Variants in ZNF71 observed in about 807,000 individuals in gnomAD.
The protein encoded by ZNF71 is endothelial zinc finger protein induced by tumor necrosis factor alpha.
Under a neutral mutation model 6.7 loss-of-function variants are expected in ZNF71, and 3 were observed. The observed-to-expected ratio is 0.45, with a 90% CI of 0.20 to 1.16. The LOEUF is 1.16. ZNF71 is among the 50% of genes most tolerant of loss of function. The pLI is 0.25. For missense variants in ZNF71, 688 were observed against 728.6 expected, an observed-to-expected ratio of 0.94 and a Z score of 0.64; for synonymous variants, 343 against 311.1, an observed-to-expected ratio of 1.10 and a Z score of -1.08.
In ZNF71 at chr19:56,623,220, G is replaced by A. The variant is rs1047065; in HGVS notation, c.*463G>A. 0.011 allele frequency: 1,951 copies of A among 177,754 alleles called. 42 individuals are homozygous for A. Among genetic ancestry groups the A allele is most frequent in the African/African-American group, 0.044 (1,816 of 41,702 alleles). 11.0% of individuals were successfully genotyped at this position (177,754 alleles called of 1,614,324 possible). A position where few individuals can be genotyped will look rare whatever the true frequency, so the allele number is the denominator to read the frequency against. ...TGCATTTTCTCCGTGGGTTGGGAGC[G>A]TGAGGGCCTTCCTATCCCTCCACCC... On this transcript the variant is annotated 3_prime_UTR_variant, in exon 4 of 4. Transcript: ENST00000599599.
rs759686490 is a variant in ZNF71, at chr19:56,622,587, G to A, written c.1480G>A (p.Gly494Ser). 12 of 1,613,414 alleles carry A rather than the reference G, an allele frequency of 7.4e-6. No individual in the cohort carries two copies. The highest frequency in any genetic ancestry group is 1.7e-5 in the Admixed American group (1 of 59,970). Residue 494 changes from glycine to serine, a missense_variant, in exon 4 of 4, where the codon GGC becomes AGC. By Grantham distance (56) the Gly-to-Ser change is moderately conservative. Transcript: ENST00000599599. ...YLIEHQRIHTGEKPYRCGQCG... is the reference protein window; with the variant it reads ...YLIEHQRIHTSEKPYRCGQCG... ...CATCGAGCACCAGCGGATCCACACC[G>A]GCGAGAAGCCGTACAGGTGCGGCCA...
rs1200585149 is a variant in ZNF71, at chr19:56,613,603, T to C, written c.34-209T>C. ...ACCTTCTGTTCCAGAATGTTTCATA[T>C]GGGATTTATTTCTCTATCAGAGTGC... On this transcript the variant is annotated intron_variant, in intron 2 of 3. Coordinates refer to ENST00000599599, the MANE Select transcript of ZNF71 (RefSeq NM_001370215.1). The surrounding 1 kb of genome is among the most constrained non-coding windows in gnomAD (Gnocchi z 4.6). Among the ~76,000 whole-genome samples the C allele has an allele frequency of 6.6e-6, 1 of 152,230 alleles. No individual in the cohort carries two copies. The highest frequency in any genetic ancestry group is 1.5e-5 in the Non-Finnish European group (1 of 68,048).
At chr19:56,595,814 A>G (rs2044615878) in intron 1 of ZNF71, among the ~76,000 whole-genome samples, 2 of 144,228 alleles carry the variant, frequency 1.4e-5, no homozygotes, top group African/African-American at 2.6e-5. Flanking sequence ...TCCTGAGGGT[A>G]TGGCTGTGTC....
chr19:56,595,895 CAGAG>C (rs750462872), intron 1 of ZNF71, among the ~76,000 whole-genome samples: 20 of 93,932 alleles, frequency 2.1e-4, no homozygotes, highest in East Asian at 1.3e-3. Flanking sequence ...GTGTATGAGA[CAGAG>C]AGAGAAACTG....
At chr19:56,611,549 C>A (rs1378491819) in intron 2 of ZNF71, among the ~76,000 whole-genome samples, 1 of 152,146 alleles carries the variant, frequency 6.6e-6, no homozygotes, top group African/African-American at 2.4e-5. Flanking sequence ...AGAGTCAAAG[C>A]CCGCAGATCT....
In ZNF71 at chr19:56,602,771, C is replaced by G. The variant is rs554127445; in HGVS notation, c.33+1180C>G. Among the ~76,000 whole-genome samples the G allele has an allele frequency of 2.6e-5, 4 of 152,248 alleles. No individual in the cohort carries two copies. The East Asian group carries it at 7.7e-4, about 29-fold the overall frequency. ...GTAAATATTTGTGGCAAATATTCTT[C>G]CCAGATTTGCTTTTTGTTTCTTTAT... On this transcript the variant is annotated intron_variant, in intron 2 of 3. Transcript: ENST00000599599.
rs117786009 is a variant in ZNF71, at chr19:56,605,358, A to T, written c.33+3767A>T. Among the ~76,000 whole-genome samples, 821 of 152,168 alleles carry T rather than the reference A, an allele frequency of 5.4e-3. 2 individuals are homozygous for T. The highest frequency in any genetic ancestry group is 9.0e-3 in the Non-Finnish European group (612 of 67,944). ...AGCCACAAGGAAAAGTGATGTGGAG[A>T]AAAAGAGATGCCCACCAAGGCCTCA... On this transcript the variant is annotated intron_variant, in intron 2 of 3. Coordinates refer to ENST00000599599, the MANE Select transcript of ZNF71 (RefSeq NM_001370215.1).
intron 3 of ZNF71, among the ~76,000 whole-genome samples, chr19:56,616,547 ACTGTTCCCAGCCCT>A (rs2044792788): frequency 6.6e-6 from 1 of 152,236 alleles, no homozygotes; most frequent in African/African-American, 2.4e-5. Flanking sequence ...AGGAAAAGGC[ACTGTTCCCAGCCCT>A]GTGTCAGCTC....
At position 56,622,031 on chromosome 19, in the gene ZNF71, C is replaced by G; in HGVS notation, c.924C>G (p.Gly308=). The G allele has an allele frequency of 6.2e-7, 1 of 1,613,370 alleles. No individual in the cohort carries two copies. Among genetic ancestry groups the G allele is most frequent in the East Asian group, 2.2e-5 (1 of 44,838 alleles). ...AGCCCTACGCGTGCGGGGACTGCGG[C>G]AAGGCCTTCAGCCAGAACATGCACC... The part of the protein sequence containing the change: ...GEKPYACGDC[G]KAFSQNMHLI... Residue 308 remains glycine (G), a synonymous_variant, in exon 4 of 4, where the codon GGC becomes GGG. Transcript: ENST00000599599.
chr19:56,608,309 G>A (rs1028369667), intron 2 of ZNF71, among the ~76,000 whole-genome samples: 2 of 151,906 alleles, frequency 1.3e-5, no homozygotes, highest in Admixed American at 6.6e-5. Context: ...CCTGGCAGCT[G>A]CCATTCCACA....
intron 3 of ZNF71, among the ~76,000 whole-genome samples, chr19:56,620,704 A>T (rs118064943): frequency 0.019 from 2,919 of 151,484 alleles, 144 homozygotes; most frequent in Admixed American, 0.1. Context: ...GCTAATTTTT[A>T]AAAAAAAATT....
intron 2 of ZNF71, among the ~76,000 whole-genome samples, chr19:56,602,418 A>AGCGGGTCTCTGATGATTTAT (rs1430414103): frequency 3.9e-5 from 6 of 152,162 alleles, no homozygotes; most frequent in African/African-American, 1.4e-4. Flanking sequence ...AGCATGTCTG[A>AGCGGGTCTCTGATGATTTAT]GCGGGTCTCT....
chr19:56,609,429 T>C (rs1014729521), intron 2 of ZNF71, among the ~76,000 whole-genome samples: 1 of 152,122 alleles, frequency 6.6e-6, no homozygotes, highest in Admixed American at 6.5e-5. Flanking sequence ...CCCATACCCA[T>C]TGGCAGTCAC....
At position 56,601,618 on chromosome 19, in the gene ZNF71, C is replaced by T. The variant is rs114322818; in HGVS notation, c.33+27C>T. 971 of 985,768 alleles carry T rather than the reference C, an allele frequency of 9.9e-4. 10 individuals carry two copies. The African/African-American group carries it at 0.015, about 16-fold the overall frequency. 61.1% of individuals were successfully genotyped at this position (985,768 alleles called of 1,614,324 possible). A position where few individuals can be genotyped will look rare whatever the true frequency, so the allele number is the denominator to read the frequency against. ...TGAGTCATGTTGCCCTGTCACTCTCCTTTCCAAAGGCTGGATCCTGCCTTG... is the reference window on the plus strand; with the variant it reads ...TGAGTCATGTTGCCCTGTCACTCTCTTTTCCAAAGGCTGGATCCTGCCTTG... On this transcript the variant is annotated intron_variant, in intron 2 of 3. Transcript: ENST00000599599.
At chr19:56,617,107 C>CTTTCGTTTT (rs2044799409) in intron 3 of ZNF71, among the ~76,000 whole-genome samples, 1 of 117,096 alleles carries the variant, frequency 8.5e-6, no homozygotes, top group African/African-American at 3.9e-5. Flanking sequence ...CTTCCATTTT[C>CTTTCGTTTT]TTTTGTTTTT....
At position 56,623,206 on chromosome 19, in the gene ZNF71, C is replaced by G. The variant is rs1047063; in HGVS notation, c.*449C>G. On this transcript the variant is annotated 3_prime_UTR_variant, in exon 4 of 4. Transcript: ENST00000599599. ...AGCTTGTCACCATCTGCATTTTCTC[C>G]GTGGGTTGGGAGCGTGAGGGCCTTC... 0.14 allele frequency: 25,968 copies of G among 179,996 alleles called. 2,367 individuals carry two copies. The highest frequency in any genetic ancestry group is 0.26 in the African/African-American group (10,976 of 41,682). 11.1% of individuals were successfully genotyped at this position (179,996 alleles called of 1,614,324 possible). A position where few individuals can be genotyped will look rare whatever the true frequency, so the allele number is the denominator to read the frequency against.
chr19:56,618,355 C>T lies in ZNF71; in HGVS notation c.161-2913C>T, dbSNP rs1483575153. On this transcript the variant is annotated intron_variant, in intron 3 of 3. Coordinates refer to ENST00000599599, the MANE Select transcript of ZNF71 (RefSeq NM_001370215.1). This position sits in a 1 kb window ranked among gnomAD's most constrained non-coding sequence, Gnocchi z 4.6. ...AACTCAAGTATGATTGTGAGGGTCT[C>T]CAGAGATCCGTGCAAATTGTTCAGC... Among the ~76,000 whole-genome samples, 1 of 152,140 alleles carries T rather than the reference C, an allele frequency of 6.6e-6. No individual in the cohort carries two copies. Among genetic ancestry groups the T allele is most frequent in the Non-Finnish European group, 1.5e-5 (1 of 68,016 alleles).
intron 2 of ZNF71, among the ~76,000 whole-genome samples, chr19:56,609,607 G>A (rs763052252): frequency 1.2e-4 from 18 of 151,234 alleles, no homozygotes; most frequent in East Asian, 3.9e-4. Context: ...TGCCTGTTCC[G>A]GACATTGTCC....
At chr19:56,607,977 G>A (rs915333854) in intron 2 of ZNF71, among the ~76,000 whole-genome samples, 2 of 152,182 alleles carry the variant, frequency 1.3e-5, no homozygotes, top group African/African-American at 4.8e-5. Flanking sequence ...GGTCAGATGG[G>A]CCTCTCCAAA....
Sources: allele counts gnomAD v4.1 joint callset (sites outside exome capture counted in the v4.1 genomes callset), GRCh38; gene constraint gnomAD v4.1.1; non-coding constraint Gnocchi (gnomAD v3.1); transcripts MANE v1.5; gene names NCBI Gene and HGNC (gene_info 2026-07-23, HGNC 2026-07-21).